Variants in TRMT44 observed in about 807,000 individuals in gnomAD.
The protein encoded by TRMT44 is probable tRNA (uracil-O(2)-)-methyltransferase.
TRMT44 carries 78 observed loss-of-function variants against 77.3 expected under a neutral mutation model. The observed-to-expected ratio is 1.01, with a 90% confidence interval of 0.84 to 1.22. The LOEUF (loss-of-function observed/expected upper bound fraction) is 1.22. TRMT44 is among the 50% of genes most tolerant of loss of function. The probability of loss-of-function intolerance (pLI) is 0.00; values close to 1 mark genes in which losing one functional copy is unlikely to be tolerated. For synonymous variants in TRMT44, 391 were observed against 383.3 expected (o/e 1.02, Z -0.23); for missense variants, 1,090 against 964.4 (o/e 1.13, Z -1.73).
At chr4:8,490,694 G>A (rs1727973764) in intron 2 of TRMT44, among the ~76,000 whole-genome samples, 1 of 152,214 alleles carries the variant, frequency 6.6e-6, no homozygotes, top group South Asian at 2.1e-4. Context: ...GTGAGCAGTA[G>A]CAAGATTTAT....
Position 8,476,066 on chromosome 4 carries a change from C to G in TRMT44, c.*65C>G. 6.8e-7 allele frequency: 1 copy of G among 1,470,510 alleles called. No individual in the cohort carries two copies. The highest frequency in any genetic ancestry group is 9.4e-7 in the Non-Finnish European group (1 of 1,064,656). 91.1% of individuals were successfully genotyped at this position (1,470,510 alleles called of 1,614,324 possible). ...AACCAAGGAGAGCTTCCCCAGCAGT[C>G]GTCAGTGCTGTGGTCTCTGCTCTGG... On this transcript the variant is annotated 3_prime_UTR_variant, in exon 11 of 11. Transcript: ENST00000389737.
intron 6 of TRMT44, among the ~76,000 whole-genome samples, chr4:8,456,378 A>G (rs1490771544): frequency 6.6e-6 from 1 of 152,202 alleles, no homozygotes; most frequent in African/African-American, 2.4e-5. Flanking sequence ...TGCAGGACCC[A>G]TACACAATGC....
At chr4:8,445,150 T>G (rs1056017227) in intron 1 of TRMT44, among the ~76,000 whole-genome samples, 5 of 152,176 alleles carry the variant, frequency 3.3e-5, no homozygotes, top group African/African-American at 1.2e-4. Flanking sequence ...GTTGTGAGCT[T>G]TATTTTACTT....
rs1193127313 is a variant in TRMT44, at chr4:8,451,388, G to C, written c.955-572G>C. Among the ~76,000 whole-genome samples the C allele has an allele frequency of 6.6e-6, 1 of 152,192 alleles. No homozygotes were observed. The highest frequency in any genetic ancestry group is 6.5e-5 in the Admixed American group (1 of 15,286). On this transcript the variant is annotated intron_variant, in intron 3 of 10. Coordinates refer to ENST00000389737, the MANE Select transcript of TRMT44 (RefSeq NM_152544.3). The surrounding 1 kb of genome is among the most constrained non-coding windows in gnomAD (Gnocchi z 4.1). ...TTAACATTGGCCATTGGTTTTTCCT[G>C]TTTTGCCTAATGCCAGTTCTGAACA...
the TRMT44 span, among the ~76,000 whole-genome samples, chr4:8,498,916 C>T: frequency 3.2e-4 from 49 of 152,248 alleles, no homozygotes; most frequent in East Asian, 4.6e-3. The surrounding 1 kb of genome is among the most constrained non-coding windows in gnomAD (Gnocchi z 4.3). Context: ...GTGGTCCCTG[C>T]GTGGTCCAGT....
At chr4:8,467,523 C>A (rs980401460) in intron 8 of TRMT44, among the ~76,000 whole-genome samples, 1 of 152,114 alleles carries the variant, frequency 6.6e-6, no homozygotes, top group African/African-American at 2.4e-5. Context: ...GCTCTTGTCA[C>A]CCAGGCTGGA....
At chr4:8,455,451 G>A (rs1422278540) in intron 6 of TRMT44, among the ~76,000 whole-genome samples, 1 of 152,210 alleles carries the variant, frequency 6.6e-6, no homozygotes, top group African/African-American at 2.4e-5. Flanking sequence ...AGGGCAGACT[G>A]TGCAGTCCCA....
chr4:8,459,235 G>A (rs1726003286), intron 6 of TRMT44, among the ~76,000 whole-genome samples: 1 of 152,188 alleles, frequency 6.6e-6, no homozygotes, highest in Non-Finnish European at 1.5e-5. Context: ...AACTGCATCT[G>A]TAGGGGTTCA....
At chr4:8,494,993 C>T (rs75326409), downstream of TRMT44, among the ~76,000 whole-genome samples, 424 of 152,300 alleles carry the variant, frequency 2.8e-3, no homozygotes, top group Middle Eastern at 0.014. Context: ...CACGGGTGAA[C>T]GGTGTGCTTT....
the TRMT44 span, among the ~76,000 whole-genome samples, chr4:8,505,202 C>T: frequency 2.6e-5 from 4 of 152,248 alleles, no homozygotes; most frequent in African/African-American, 9.6e-5. Flanking sequence ...GAGCAGGCTT[C>T]TGTCCGGGTG....
At chr4:8,496,230 G>A (rs533631355), downstream of TRMT44, among the ~76,000 whole-genome samples, 4 of 152,324 alleles carry the variant, frequency 2.6e-5, 1 homozygote, top group African/African-American at 9.6e-5. Context: ...TGCTCCCACT[G>A]TGGAGTGTAC....
the TRMT44 span, among the ~76,000 whole-genome samples, chr4:8,514,091 C>T: frequency 1.2e-4 from 18 of 152,262 alleles, no homozygotes; most frequent in African/African-American, 4.3e-4. Context: ...AGCCACCATG[C>T]ACCCGTCCAT....
the TRMT44 span, among the ~76,000 whole-genome samples, chr4:8,508,450 C>A: frequency 1.3e-5 from 2 of 152,312 alleles, no homozygotes; most frequent in East Asian, 3.9e-4. Context: ...CAAGCCCCCT[C>A]CCCAAGTGAC....
chr4:8,506,868 G>C, the TRMT44 span: 1 of 152,458 alleles, frequency 6.6e-6, no homozygotes, highest in Non-Finnish European at 1.5e-5. Flanking sequence ...TGGCTGGGCT[G>C]CTGGCCCTCG....
intron 6 of TRMT44, among the ~76,000 whole-genome samples, chr4:8,460,895 G>C (rs568020061): frequency 6.6e-6 from 1 of 152,152 alleles, no homozygotes; most frequent in Admixed American, 6.5e-5. Flanking sequence ...TGTTGCCCAG[G>C]CTGGAGTACA....
At chr4:8,502,223 T>C in the TRMT44 span, among the ~76,000 whole-genome samples, 1 of 152,156 alleles carries the variant, frequency 6.6e-6, no homozygotes, top group Admixed American at 6.5e-5. Flanking sequence ...CTGCCCTGAG[T>C]GCATCCATGG....
rs1725492077 is a variant in TRMT44, at chr4:8,452,118, C to A, written c.1023+90C>A. 8.5e-7 allele frequency: 1 copy of A among 1,180,170 alleles called. No homozygotes were observed. 73.1% of individuals were successfully genotyped at this position (1,180,170 alleles called of 1,614,324 possible). ...TGTAGTGAAGGACATTTTCCAAATC[C>A]ATAACTGCCGGTGCTCACAATTCTG... On this transcript the variant is annotated intron_variant, in intron 4 of 10. Coordinates refer to ENST00000389737, the MANE Select transcript of TRMT44 (RefSeq NM_152544.3). The surrounding 1 kb of genome is among the most constrained non-coding windows in gnomAD (Gnocchi z 5.7).
At chr4:8,443,075 A>G (rs372657681) in intron 1 of TRMT44, among the ~76,000 whole-genome samples, 19 of 152,218 alleles carry the variant, frequency 1.2e-4, no homozygotes, top group East Asian at 7.7e-4. Context: ...TGGGAGGTAC[A>G]TAGTCCCCTC....
rs1460254850 is a variant in TRMT44, at chr4:8,446,505, C to T, written c.649C>T (p.Pro217Ser). The change falls in exon 2 of 11, where the codon CCT becomes TCT. Residue 217 changes from proline (P) to serine (S), a missense_variant. Transcript: ENST00000389737. This position sits in a 1 kb window ranked among gnomAD's most constrained non-coding sequence, Gnocchi z 4.3. Reference sequence around the variant, plus strand: ...CCTCAATGGAACCATAACGTTTTTGCCTTTGGAAGAAGATGATGAGGGGAA... The same window carrying T: ...CCTCAATGGAACCATAACGTTTTTGTCTTTGGAAGAAGATGATGAGGGGAA... ...DVLNGTITFL[P>S]LEEDDEGNLK... The T allele has an allele frequency of 6.5e-7, 1 of 1,536,290 alleles. No individual in the cohort carries two copies. Among genetic ancestry groups the T allele is most frequent in the Admixed American group, 2.0e-5 (1 of 50,952 alleles).
Sources: allele counts gnomAD v4.1 joint callset (sites outside exome capture counted in the v4.1 genomes callset), GRCh38; gene constraint gnomAD v4.1.1; non-coding constraint Gnocchi (gnomAD v3.1); transcripts MANE v1.5; gene names NCBI Gene and HGNC (gene_info 2026-07-23, HGNC 2026-07-21).